The following SGCZ variants were observed in gnomAD, a reference collection of about 807,000 sequenced individuals.
SGCZ encodes the protein sarcoglycan zeta, also known as zeta-sarcoglycan.
In SGCZ, 40 loss-of-function variants were observed where a neutral mutation model predicts 41.3. The observed-to-expected ratio is 0.97, with a 90% CI of 0.75 to 1.26. The LOEUF (loss-of-function observed/expected upper bound fraction) is 1.26, where lower values mean the gene tolerates loss of function less well. Ranked by LOEUF, SGCZ falls within the 50% of genes most tolerant of loss-of-function variation. The pLI is 0.00. For synonymous variants in SGCZ, 206 were observed against 137.5 expected, an observed-to-expected ratio of 1.50 and a Z score of -3.49; for missense variants, 552 against 369.8, an observed-to-expected ratio of 1.49 and a Z score of -4.04.
At chr8:15,146,943 G>C (rs1450549046) in intron 1 of SGCZ, among the ~76,000 whole-genome samples, 2 of 152,068 alleles carry the variant, frequency 1.3e-5, no homozygotes, top group Admixed American at 1.3e-4. Flanking sequence ...GCCTAACACA[G>C]ATGCCCACAA....
Position 14,651,593 on chromosome 8 carries a change from T to A in SGCZ, c.40-96667A>T, listed in dbSNP as rs376990763. Among the ~76,000 whole-genome samples the A allele has an allele frequency of 3.3e-5, 5 of 152,230 alleles. No individual in the cohort carries two copies. The South Asian group carries it at 8.3e-4, about 25-fold the overall frequency. On this transcript the variant is annotated intron_variant, in intron 1 of 7. Transcript: ENST00000382080. ...CTTCACTACGCACACTCACTCAGAA[T>A]CTAGCTCATTTTCAATAAATTAACA...
chr8:14,816,074 T>A (rs1240612117), intron 1 of SGCZ, among the ~76,000 whole-genome samples: 2 of 152,246 alleles, frequency 1.3e-5, no homozygotes, highest in Non-Finnish European at 2.9e-5. Flanking sequence ...GTATGTCAAA[T>A]ATATTTCAAC....
intron 1 of SGCZ, among the ~76,000 whole-genome samples, chr8:15,166,732 A>T (rs953098572): frequency 5.9e-5 from 9 of 152,226 alleles, no homozygotes; most frequent in Non-Finnish European, 1.0e-4. Flanking sequence ...TCTAACTGCA[A>T]CTACCCTGCA....
intron 5 of SGCZ, among the ~76,000 whole-genome samples, chr8:14,110,559 A>T (rs565694868): frequency 5.6e-4 from 85 of 152,284 alleles, no homozygotes; most frequent in Middle Eastern, 6.8e-3. Flanking sequence ...ATACCACGTA[A>T]AGGGCGAAAT....
intron 1 of SGCZ, among the ~76,000 whole-genome samples, chr8:14,922,133 T>G (rs1283960784): frequency 6.6e-6 from 1 of 151,982 alleles, no homozygotes; most frequent in Non-Finnish European, 1.5e-5. Context: ...TTAGTCAGCT[T>G]CAGACCTTGG....
At chr8:14,432,508 T>C (rs1297146484) in intron 2 of SGCZ, among the ~76,000 whole-genome samples, 1 of 152,124 alleles carries the variant, frequency 6.6e-6, no homozygotes, top group Non-Finnish European at 1.5e-5. Context: ...TATGACACAA[T>C]GGACTTTGGG....
chr8:14,683,646 A>C lies in SGCZ; in HGVS notation c.40-128720T>G, dbSNP rs543473716. ...GGAACTTTGATTTCTTCAACTTGGA[A>C]ATTAATTTTACATCAAATATACCAT... is the stretch of plus-strand genomic sequence containing the variant. On this transcript the variant is annotated intron_variant, in intron 1 of 7. Transcript: ENST00000382080. 1.7e-3 allele frequency among the ~76,000 whole-genome samples: 253 copies of C among 152,256 alleles called. 2 individuals are homozygous for C. Among genetic ancestry groups the C allele is most frequent in the African/African-American group, 5.9e-3 (244 of 41,558 alleles).
At chr8:15,198,535 A>C (rs1800802146) in intron 1 of SGCZ, among the ~76,000 whole-genome samples, 1 of 152,186 alleles carries the variant, frequency 6.6e-6, no homozygotes, top group African/African-American at 2.4e-5. Flanking sequence ...ATCTTGTGAA[A>C]TGGATTTGCT....
At position 14,489,916 on chromosome 8, in the gene SGCZ, G is replaced by A. The variant is rs573820207; in HGVS notation, c.234+64816C>T. ...GAGTCTCGCTCTGTCGCCCAGACTG[G>A]AGTACAAGTGGCACGATCTTGGCTC... On this transcript the variant is annotated intron_variant, in intron 2 of 7. Transcript: ENST00000382080. 3.6e-5 allele frequency among the ~76,000 whole-genome samples: 5 copies of A among 140,226 alleles called. No homozygotes were observed. The Admixed American group carries it at 3.9e-4, about 11-fold the overall frequency. 92.0% of individuals were successfully genotyped at this position (140,226 alleles called of 152,430 possible). A position where few individuals can be genotyped will look rare whatever the true frequency, so the allele number is the denominator to read the frequency against.
intron 1 of SGCZ, among the ~76,000 whole-genome samples, chr8:14,853,181 A>C (rs1414727889): frequency 6.6e-6 from 1 of 152,356 alleles, no homozygotes; most frequent in South Asian, 2.1e-4. Flanking sequence ...AAATGTCTGC[A>C]TGGAATCCCA....
At chr8:14,585,466 A>G (rs1805026997) in intron 1 of SGCZ, among the ~76,000 whole-genome samples, 1 of 152,116 alleles carries the variant, frequency 6.6e-6, no homozygotes, top group Non-Finnish European at 1.5e-5. Flanking sequence ...CTATTTCAAT[A>G]CATTATGACT....
Position 14,413,159 on chromosome 8 carries a change from G to A in SGCZ, c.235-88955C>T, listed in dbSNP as rs183511178. On this transcript the variant is annotated intron_variant, in intron 2 of 7. Coordinates refer to ENST00000382080, the MANE Select transcript of SGCZ (RefSeq NM_139167.4). ...TCTTTTCTGTAAATCATAAGGTAGC[G>A]TGAGATAGTAACACCAACTAGAGCA... 3.2e-3 allele frequency among the ~76,000 whole-genome samples: 481 copies of A among 151,974 alleles called. 2 individuals are homozygous for A. The highest frequency in any genetic ancestry group is 0.017 in the South Asian group (81 of 4,822).
At position 14,553,923 on chromosome 8, in the gene SGCZ, T is replaced by A. The variant is rs559860060; in HGVS notation, c.234+809A>T. Among the ~76,000 whole-genome samples the A allele has an allele frequency of 3.3e-5, 5 of 152,114 alleles. No homozygotes were observed. In the South Asian group the frequency reaches 1.0e-3, roughly 32 times the overall value. ...AGATACTTGCTTGTATGTGGAGATA[T>A]CTGAGGTCCCCAAGGAAAAGCAGAA... On this transcript the variant is annotated intron_variant, in intron 2 of 7. Coordinates refer to ENST00000382080, the MANE Select transcript of SGCZ (RefSeq NM_139167.4).
At chr8:14,349,534 T>C (rs1348936078) in intron 2 of SGCZ, among the ~76,000 whole-genome samples, 1 of 152,130 alleles carries the variant, frequency 6.6e-6, no homozygotes, top group Non-Finnish European at 1.5e-5. Context: ...TTAAGAAGCA[T>C]ATGTGTCATC....
intron 2 of SGCZ, among the ~76,000 whole-genome samples, chr8:14,373,086 G>T (rs1188552074): frequency 1.3e-5 from 2 of 151,918 alleles, no homozygotes; most frequent in Non-Finnish European, 2.9e-5. Flanking sequence ...CAATAATCTA[G>T]AGGAAAGAAA....
At chr8:14,772,700 T>TA (rs1269949929) in intron 1 of SGCZ, among the ~76,000 whole-genome samples, 3 of 151,268 alleles carry the variant, frequency 2.0e-5, no homozygotes, top group African/African-American at 2.4e-5. Context: ...GTTCTTGCAA[T>TA]GTTTACTGAG....
intron 1 of SGCZ, among the ~76,000 whole-genome samples, chr8:14,869,374 G>A (rs527423228): frequency 4.4e-4 from 67 of 152,150 alleles, no homozygotes; most frequent in African/African-American, 1.4e-3. Context: ...AAAATCCTTC[G>A]ATGAAATTCA....
chr8:14,537,446 G>C (rs1434911309), intron 2 of SGCZ, among the ~76,000 whole-genome samples: 2 of 151,798 alleles, frequency 1.3e-5, no homozygotes, highest in Admixed American at 6.6e-5. Flanking sequence ...ATAATTACAA[G>C]TTATAAGCTA....
intron 3 of SGCZ, among the ~76,000 whole-genome samples, chr8:14,306,869 CT>C (rs1801368639): frequency 2.6e-5 from 4 of 152,294 alleles, no homozygotes; most frequent in African/African-American, 9.6e-5. Flanking sequence ...TACATTACTT[CT>C]TTGTGCTCCA....
Sources: allele counts gnomAD v4.1 joint callset (sites outside exome capture counted in the v4.1 genomes callset), GRCh38; gene constraint gnomAD v4.1.1; transcripts MANE v1.5; gene names NCBI Gene and HGNC (gene_info 2026-07-23, HGNC 2026-07-21).